Variants in NELL1 observed in about 807,000 individuals in gnomAD.
NELL1 encodes the protein protein kinase C-binding protein NELL1.
NELL1 carries 76 observed loss-of-function variants against 107.4 expected under a neutral mutation model. That is an observed-to-expected ratio of 0.71 (90% CI 0.59 to 0.86). The LOEUF is 0.86. Ranked by LOEUF, NELL1 falls within the 40% of genes least tolerant of loss-of-function variation. The pLI is 0.00. For synonymous variants in NELL1, 353 were observed against 341.2 expected (o/e 1.03, Z -0.38); for missense variants, 1,024 against 1,005.5 (o/e 1.02, Z -0.25).
chr11:21,489,397 A>AAAAAAAAAAAAAAAAAAAAAAAC, intron 15 of NELL1, among the ~76,000 whole-genome samples: 1 of 146,570 alleles, frequency 6.8e-6, no homozygotes, highest in Non-Finnish European at 1.5e-5. Context: ...AAAAAAAAAA[A>AAAAAAAAAAAAAAAAAAAAAAAC]AAAAAAAAAA....
At chr11:20,724,684 C>A (rs1381628171) in intron 2 of NELL1, among the ~76,000 whole-genome samples, 2 of 152,288 alleles carry the variant, frequency 1.3e-5, no homozygotes, top group East Asian at 1.9e-4. Context: ...ACATTCCAAA[C>A]TTTCCCACAT....
At chr11:20,944,199 C>A (rs1004461390) in intron 10 of NELL1, among the ~76,000 whole-genome samples, 1 of 152,068 alleles carries the variant, frequency 6.6e-6, no homozygotes, top group Non-Finnish European at 1.5e-5. Context: ...ATTCAGTTGA[C>A]AAAAGGATGC....
chr11:21,377,772 A>ATG (rs1410090415), intron 15 of NELL1, among the ~76,000 whole-genome samples: 1 of 151,988 alleles, frequency 6.6e-6, no homozygotes, highest in Admixed American at 6.6e-5. Context: ...TTGGGAGATA[A>ATG]TGTGTTTCCA....
intron 14 of NELL1, among the ~76,000 whole-genome samples, chr11:21,242,859 C>T (rs1304704278): frequency 6.6e-6 from 1 of 152,124 alleles, no homozygotes; most frequent in Non-Finnish European, 1.5e-5. Flanking sequence ...GGAACTCAAT[C>T]ATTAAATATC....
intron 12 of NELL1, among the ~76,000 whole-genome samples, chr11:21,013,679 C>T (rs1182371332): frequency 2.0e-5 from 3 of 152,100 alleles, no homozygotes; most frequent in African/African-American, 7.2e-5. Flanking sequence ...TTACTATTAA[C>T]ATTTTACATA....
At chr11:20,780,166 A>G (rs1031508754) in intron 2 of NELL1, among the ~76,000 whole-genome samples, 1 of 152,204 alleles carries the variant, frequency 6.6e-6, no homozygotes, top group Non-Finnish European at 1.5e-5. Flanking sequence ...TTAAAAAGAA[A>G]TAAGAAAAGT....
At chr11:21,123,491 T>C (rs890140231) in intron 13 of NELL1, among the ~76,000 whole-genome samples, 1 of 152,162 alleles carries the variant, frequency 6.6e-6, no homozygotes, top group Admixed American at 6.6e-5. Flanking sequence ...GCAGTTATAC[T>C]AAATTTATGT....
intron 2 of NELL1, among the ~76,000 whole-genome samples, chr11:20,765,739 T>A (rs909012633): frequency 2.6e-5 from 4 of 152,044 alleles, no homozygotes; most frequent in African/African-American, 9.7e-5. Flanking sequence ...CCTGGTGAGG[T>A]CTATAGGAGT....
chr11:20,713,287 G>A (rs141238091), intron 2 of NELL1, among the ~76,000 whole-genome samples: 146 of 152,240 alleles, frequency 9.6e-4, no homozygotes, highest in African/African-American at 3.4e-3. Context: ...ATCAGGTGGG[G>A]GAAGATTTAG....
Position 20,678,023 on chromosome 11 carries a change from T to G in NELL1, c.147T>G (p.Ser49=). Residue 49 remains serine (S), a synonymous_variant, in exon 2 of 20, where the codon TCT becomes TCG. Transcript: ENST00000357134. ...CCACCCTTGGAGTTGCTCAGGTGTCTGGAATGCACAATGCCAGCAAAGCAT... is the reference window on the plus strand; with the variant it reads ...CCACCCTTGGAGTTGCTCAGGTGTCGGGAATGCACAATGCCAGCAAAGCAT... The part of the protein sequence containing the change: ...VNTTLGVAQV[S]GMHNASKAFL... The G allele has an allele frequency of 6.2e-7, 1 of 1,614,158 alleles. No individual in the cohort carries two copies. Among genetic ancestry groups the G allele is most frequent in the Non-Finnish European group, 8.5e-7 (1 of 1,179,996 alleles).
chr11:21,161,131 C>T (rs1465338264), intron 13 of NELL1, among the ~76,000 whole-genome samples: 1 of 152,008 alleles, frequency 6.6e-6, no homozygotes, highest in African/African-American at 2.4e-5. Flanking sequence ...ACGAAGAGCT[C>T]ATCTCAAAGC....
At chr11:20,697,410 TTC>T (rs371245210) in intron 2 of NELL1, among the ~76,000 whole-genome samples, 31,782 of 144,492 alleles carry the variant, frequency 0.22, 3,744 homozygotes, top group African/African-American at 0.25. Flanking sequence ...TTTTTTTTTT[TTC>T]CTGCCAGGAA....
chr11:20,925,432 A>AT (rs1850473321), intron 7 of NELL1, among the ~76,000 whole-genome samples: 1 of 140,014 alleles, frequency 7.1e-6, no homozygotes. Flanking sequence ...CCGCTACCAC[A>AT]CCCGGCTTTT....
At chr11:21,158,279 C>T (rs187360617) in intron 13 of NELL1, among the ~76,000 whole-genome samples, 1 of 152,276 alleles carries the variant, frequency 6.6e-6, no homozygotes, top group East Asian at 1.9e-4. Context: ...CTTCCTTGCT[C>T]CTCAGCTTGC....
intron 15 of NELL1, among the ~76,000 whole-genome samples, chr11:21,519,242 G>A (rs1855652004): frequency 6.6e-6 from 1 of 152,012 alleles, no homozygotes; most frequent in Admixed American, 6.5e-5. Flanking sequence ...CAGATCACTG[G>A]GAAAAAGGAT....
intron 14 of NELL1, chr11:21,284,851 T>C (rs531288243): frequency 3.3e-6 from 1 of 303,834 alleles, no homozygotes; most frequent in East Asian, 8.0e-5. Flanking sequence ...TTGGCATCCT[T>C]GGACAACAAA....
chr11:21,336,753 CTGTT>C (rs770741761), intron 14 of NELL1, among the ~76,000 whole-genome samples: 2 of 150,192 alleles, frequency 1.3e-5, no homozygotes. Context: ...GTTTTACTGT[CTGTT>C]TTTCACTGCT....
chr11:21,303,433 C>T (rs1189069160), intron 14 of NELL1, among the ~76,000 whole-genome samples: 1 of 151,918 alleles, frequency 6.6e-6, no homozygotes, highest in Non-Finnish European at 1.5e-5. Context: ...TATTATCTTA[C>T]CCTAGTCAGA....
chr11:20,950,871 C>G (rs745882955), intron 11 of NELL1, among the ~76,000 whole-genome samples: 37 of 152,182 alleles, frequency 2.4e-4, no homozygotes, highest in Non-Finnish European at 5.3e-4. Context: ...ATTACAAAAA[C>G]CAAAGTGGCT....
Sources: gnomAD v4.1 joint callset for allele counts (sites outside exome capture counted in the v4.1 genomes callset) on GRCh38, gnomAD v4.1.1 for gene constraint, MANE v1.5 for transcripts, NCBI Gene and HGNC (gene_info 2026-07-23, HGNC 2026-07-21) for gene names.